Variants in ADGRB3 observed in about 807,000 individuals in gnomAD.
ADGRB3 encodes the protein adhesion G protein-coupled receptor B3.
A neutral mutation model predicts 193.4 loss-of-function variants in ADGRB3; 37 were observed. That is an observed-to-expected ratio of 0.19 (90% CI 0.15 to 0.25). The LOEUF (loss-of-function observed/expected upper bound fraction) is 0.25, where lower values mean the gene tolerates loss of function less well. Among genes scored for constraint, ADGRB3 ranks in the 10% least tolerant of loss-of-function variants. The pLI is 1.00. For missense variants in ADGRB3, 1,637 were observed against 1,852.9 expected (o/e 0.88, Z 2.14); for synonymous variants, 690 against 644.2 (o/e 1.07, Z -1.08).
intron 11 of ADGRB3, among the ~76,000 whole-genome samples, chr6:69,008,109 C>G (rs1007323840): frequency 1.8e-4 from 28 of 152,096 alleles, no homozygotes; most frequent in Admixed American, 7.9e-4. Flanking sequence ...TTAAAGGCCC[C>G]AACTCTTAAT....
intron 20 of ADGRB3, among the ~76,000 whole-genome samples, chr6:69,241,282 G>A (rs1451115091): frequency 2.0e-5 from 3 of 151,464 alleles, no homozygotes; most frequent in Non-Finnish European, 2.9e-5. Context: ...TTAAAAACCC[G>A]ATGAAATTAA....
intron 17 of ADGRB3, among the ~76,000 whole-genome samples, chr6:69,146,820 TC>T (rs1483746020): frequency 3.6e-5 from 4 of 112,630 alleles, no homozygotes; most frequent in African/African-American, 8.7e-5. Flanking sequence ...TCTCATTACT[TC>T]TTTTTTTTTT....
Position 69,031,553 on chromosome 6 carries a change from T to TTTCTTTC in ADGRB3, c.2107+13055_2107+13056insTCTTTCT, listed in dbSNP as rs1554248806. On this transcript the variant is annotated intron_variant, in intron 13 of 31. Coordinates refer to ENST00000370598, the MANE Select transcript of ADGRB3 (RefSeq NM_001704.3). ...TCTTTCTTTCTTTCTTTCTTTCTTTTTCTTTCTTTCTTTTCTTCCTCTGTC... is the reference window on the plus strand; with the variant it reads ...TCTTTCTTTCTTTCTTTCTTTCTTTTTTCTTTCTCTTTCTTTCTTTTCTTCCTCTGTC... Among the ~76,000 whole-genome samples the TTTCTTTC allele has an allele frequency of 3.2e-4, 35 of 108,708 alleles. 1 individual carries two copies. Among genetic ancestry groups the TTTCTTTC allele is most frequent in the African/African-American group, 9.6e-4 (29 of 30,244 alleles). The allele number at this position is 108,708 out of a possible 152,430, so 71.3% of individuals were successfully genotyped here.
At chr6:69,364,673 C>A (rs1354260953) in intron 29 of ADGRB3, among the ~76,000 whole-genome samples, 2 of 151,988 alleles carry the variant, frequency 1.3e-5, no homozygotes, top group Non-Finnish European at 2.9e-5. Flanking sequence ...GGAACAATTG[C>A]AATACTAATA....
intron 3 of ADGRB3, among the ~76,000 whole-genome samples, chr6:68,862,271 T>C (rs1765177801): frequency 1.3e-5 from 2 of 152,178 alleles, no homozygotes; most frequent in South Asian, 4.1e-4. Flanking sequence ...TAGTCAAAAG[T>C]TGTGACATTA....
chr6:68,941,601 A>C (rs1767644115), intron 5 of ADGRB3, among the ~76,000 whole-genome samples: 1 of 152,104 alleles, frequency 6.6e-6, no homozygotes, highest in Admixed American at 6.6e-5. Context: ...CGGAAGCAGC[A>C]ATATGAATTT....
intron 3 of ADGRB3, among the ~76,000 whole-genome samples, chr6:68,641,270 G>T (rs931613251): frequency 6.6e-6 from 1 of 152,158 alleles, no homozygotes; most frequent in Non-Finnish European, 1.5e-5. Flanking sequence ...CAAAGTTGTT[G>T]TGTGTGCATT....
chr6:68,897,076 C>G (rs993454556), intron 3 of ADGRB3, among the ~76,000 whole-genome samples: 3 of 152,014 alleles, frequency 2.0e-5, no homozygotes, highest in African/African-American at 7.2e-5. Flanking sequence ...ACAACTGATC[C>G]AAATCGGTGT....
chr6:69,093,408 C>T (rs1772772973), intron 17 of ADGRB3, among the ~76,000 whole-genome samples: 1 of 151,284 alleles, frequency 6.6e-6, no homozygotes. Flanking sequence ...AGCCTGGGTT[C>T]AGGGGAAGAG....
In ADGRB3 at chr6:68,899,860, G is replaced by A. The variant is rs569196027; in HGVS notation, c.758-30699G>A. ...AATAATAAAAATTACTAAACAATGTGTTAGATAACTCTATTAAAATTTTTA... is the reference window on the plus strand; with the variant it reads ...AATAATAAAAATTACTAAACAATGTATTAGATAACTCTATTAAAATTTTTA... On this transcript the variant is annotated intron_variant, in intron 3 of 31. Coordinates refer to ENST00000370598, the MANE Select transcript of ADGRB3 (RefSeq NM_001704.3). 9.2e-5 allele frequency among the ~76,000 whole-genome samples: 14 copies of A among 152,106 alleles called. No homozygotes were observed. In the East Asian group the frequency reaches 2.7e-3, roughly 29 times the overall value.
chr6:69,124,886 A>T (rs1430921626), intron 17 of ADGRB3, among the ~76,000 whole-genome samples: 16 of 149,484 alleles, frequency 1.1e-4, no homozygotes, highest in Middle Eastern at 3.5e-3. Flanking sequence ...CAGTTTTGCC[A>T]TTTTTTTTTT....
At chr6:68,814,053 A>G (rs1223127670) in intron 3 of ADGRB3, among the ~76,000 whole-genome samples, 8 of 152,116 alleles carry the variant, frequency 5.3e-5, no homozygotes, top group Admixed American at 1.3e-4. Flanking sequence ...ATGATTTATA[A>G]TCCTTTGGGT....
intron 20 of ADGRB3, among the ~76,000 whole-genome samples, chr6:69,239,519 A>G (rs535437068): frequency 1.3e-5 from 2 of 152,142 alleles, no homozygotes; most frequent in African/African-American, 4.8e-5. Context: ...ATCAAAGCAC[A>G]TATTTTGATT....
intron 3 of ADGRB3, among the ~76,000 whole-genome samples, chr6:68,827,631 G>A (rs929109901): frequency 6.6e-6 from 1 of 152,052 alleles, no homozygotes; most frequent in African/African-American, 2.4e-5. Context: ...AGAGAGCTTA[G>A]GATTTAAAAG....
intron 3 of ADGRB3, among the ~76,000 whole-genome samples, chr6:68,647,250 A>C (rs1287184542): frequency 1.3e-5 from 2 of 152,154 alleles, no homozygotes; most frequent in Non-Finnish European, 2.9e-5. Flanking sequence ...ATTTTATTTA[A>C]GTATTATGTT....
rs1767309603 is a variant in ADGRB3 at position 69,276,652 on chromosome 6, A to C, written c.2814+37426A>C. Reference sequence around the variant, plus strand: ...CAAGGTCTTCATCAGCCACCAGTGGATGATCTCAGGGCTTTTCTGAGAATG... The same window carrying C: ...CAAGGTCTTCATCAGCCACCAGTGGCTGATCTCAGGGCTTTTCTGAGAATG... On this transcript the variant is annotated intron_variant, in intron 20 of 31. Coordinates refer to ENST00000370598, the MANE Select transcript of ADGRB3 (RefSeq NM_001704.3). Among the ~76,000 whole-genome samples the C allele has an allele frequency of 3.3e-5, 5 of 152,092 alleles. No individual in the cohort carries two copies. The South Asian group carries it at 1.0e-3, about 32-fold the overall frequency.
chr6:68,854,071 C>T (rs1415696529), intron 3 of ADGRB3, among the ~76,000 whole-genome samples: 2 of 152,142 alleles, frequency 1.3e-5, no homozygotes, highest in Non-Finnish European at 2.9e-5. Flanking sequence ...ACCTCCTATC[C>T]AGACACAGTC....
At chr6:69,182,808 C>T (rs1456271303) in intron 17 of ADGRB3, among the ~76,000 whole-genome samples, 1 of 152,006 alleles carries the variant, frequency 6.6e-6, no homozygotes, top group African/African-American at 2.4e-5. Flanking sequence ...ATATTCCTAC[C>T]ATGGCTGGTT....
At chr6:69,362,279 G>A in intron 29 of ADGRB3, among the ~76,000 whole-genome samples, 1 of 151,964 alleles carries the variant, frequency 6.6e-6, no homozygotes, top group East Asian at 1.9e-4. Flanking sequence ...ATTCATATAC[G>A]ATGCAATACA....
Sources: allele counts gnomAD v4.1 joint callset (sites outside exome capture counted in the v4.1 genomes callset), GRCh38; gene constraint gnomAD v4.1.1; transcripts MANE v1.5; gene names NCBI Gene and HGNC (gene_info 2026-07-23, HGNC 2026-07-21).